The following AFF1 variants were observed in gnomAD, a reference collection of about 807,000 sequenced individuals.
AFF1 encodes ALF transcription elongation factor 1.
In AFF1, 48 loss-of-function variants were observed where a neutral mutation model predicts 121.7. That is an observed-to-expected ratio of 0.39 (90% CI 0.31 to 0.50). AFF1 has a LOEUF of 0.50. Ranked by LOEUF, AFF1 falls within the 20% of genes least tolerant of loss-of-function variation. AFF1 has a pLI of 0.76. For synonymous variants in AFF1, 613 were observed against 563.0 expected (o/e 1.09, Z -1.26); for missense variants, 1,523 against 1,511.7 (o/e 1.01, Z -0.12).
At chr4:87,029,253 A>G (rs1728833168) in intron 2 of AFF1, among the ~76,000 whole-genome samples, 1 of 152,198 alleles carries the variant, frequency 6.6e-6, no homozygotes, top group Non-Finnish European at 1.5e-5. Flanking sequence ...ATAAGGGGAA[A>G]CAAGGTCTCC....
chr4:87,111,119 T>C (rs1470174967), intron 11 of AFF1, among the ~76,000 whole-genome samples: 2 of 84,954 alleles, frequency 2.4e-5, no homozygotes, highest in African/African-American at 4.0e-5. Context: ...GCCATTCTCC[T>C]GCCTCAGCCT....
At chr4:86,964,072 C>T (rs1429361780) in intron 2 of AFF1, among the ~76,000 whole-genome samples, 1 of 151,084 alleles carries the variant, frequency 6.6e-6, no homozygotes, top group East Asian at 1.9e-4. Flanking sequence ...CCTGCCTCGG[C>T]CTCCCAAAGT....
chr4:87,090,882 GCAT>G (rs1460156785), intron 6 of AFF1, among the ~76,000 whole-genome samples: 1 of 151,824 alleles, frequency 6.6e-6, no homozygotes, highest in Non-Finnish European at 1.5e-5. Context: ...AGGTGTGGTG[GCAT>G]GCACCTGTAG....
chr4:86,989,475 AG>A (rs1313392042), intron 2 of AFF1, among the ~76,000 whole-genome samples: 1 of 152,224 alleles, frequency 6.6e-6, no homozygotes, highest in African/African-American at 2.4e-5. Flanking sequence ...AACCACAATG[AG>A]ATACCATCTC....
intron 2 of AFF1, chr4:87,036,794 T>C (rs769713128): frequency 3.9e-6 from 2 of 515,424 alleles, no homozygotes; most frequent in Non-Finnish European, 7.7e-6. Flanking sequence ...TTCTCTAATA[T>C]GGCAGCAAGT....
intron 2 of AFF1, among the ~76,000 whole-genome samples, chr4:86,955,579 C>T (rs1721677669): frequency 6.6e-6 from 1 of 152,074 alleles, no homozygotes; most frequent in Admixed American, 6.6e-5. Flanking sequence ...TGAAATTGGG[C>T]CCAGGTAACT....
chr4:87,122,443 G>A (rs1033258990), intron 12 of AFF1, among the ~76,000 whole-genome samples: 4 of 152,290 alleles, frequency 2.6e-5, no homozygotes, highest in East Asian at 1.9e-4. Context: ...GAGCCCTGTC[G>A]CAATGCCCCA....
In AFF1 at chr4:87,095,000, T is replaced by C. The variant is rs750603334; in HGVS notation, c.1283+31T>C. The stretch of plus-strand genomic sequence containing the variant: ...TGAAATGCTTTTTGTGTATTAAAAT[T>C]TTGTAGTATGAAATTGTAATGTCTC... On this transcript the variant is annotated intron_variant, in intron 8 of 20. Coordinates refer to ENST00000395146, the MANE Select transcript of AFF1 (RefSeq NM_001166693.3). 4.4e-6 allele frequency: 7 copies of C among 1,593,646 alleles called. No homozygotes were observed. The South Asian group carries it at 7.7e-5, about 18-fold the overall frequency.
Position 87,025,653 on chromosome 4 carries a change from AG to A in AFF1, c.39-20507del, listed in dbSNP as rs1366308785. Among the ~76,000 whole-genome samples, 9 of 152,190 alleles carry A rather than the reference AG, an allele frequency of 5.9e-5. No homozygotes were observed. The South Asian group carries it at 1.7e-3, about 28-fold the overall frequency. ...GACAGATATGGCTGTCACGCCTGGG[AG>A]GGGGGTGTGCTACCATCATCTCAGA... On this transcript the variant is annotated intron_variant, in intron 2 of 20. Coordinates refer to ENST00000395146, the MANE Select transcript of AFF1 (RefSeq NM_001166693.3).
Position 87,114,696 on chromosome 4 carries a change from G to A in AFF1, c.1863G>A (p.Arg621=), listed in dbSNP as rs1726903230. 3.7e-6 allele frequency: 6 copies of A among 1,613,810 alleles called. No homozygotes were observed. Among genetic ancestry groups the A allele is most frequent in the Non-Finnish European group, 5.1e-6 (6 of 1,179,978 alleles). The change falls in exon 12 of 21, where the codon CGG becomes CGA. Residue 621 remains arginine (R), a synonymous_variant. Transcript: ENST00000395146. ...AAAAACCTGTCAAGGCCTCTGCCCG[G>A]GCAGGTTCACGGACCAGCCTGCAGG... ...QPKKPVKASA[R]AGSRTSLQGE...
intron 2 of AFF1, among the ~76,000 whole-genome samples, chr4:87,009,575 T>C (rs1726520155): frequency 6.6e-6 from 1 of 152,228 alleles, no homozygotes; most frequent in Admixed American, 6.5e-5. Context: ...TCTGTTGTTT[T>C]CTTAGTCTGT....
At chr4:87,006,065 C>T (rs534257022) in intron 2 of AFF1, among the ~76,000 whole-genome samples, 1 of 152,338 alleles carries the variant, frequency 6.6e-6, no homozygotes, top group East Asian at 1.9e-4. Flanking sequence ...TTGGGCCTCC[C>T]TCCCAGCATT....
In AFF1 at chr4:87,047,208, C is replaced by G; in HGVS notation, c.673C>G (p.Gln225Glu). 2 of 1,614,158 alleles carry G rather than the reference C, an allele frequency of 1.2e-6. No individual in the cohort carries two copies. The highest frequency in any genetic ancestry group is 3.3e-5 in the Admixed American group (2 of 60,022). The change falls in exon 4 of 21, where the codon CAG becomes GAG. Residue 225 changes from glutamine to glutamate, a missense_variant. Physicochemically the swap from Gln to Glu is conservative, Grantham distance 29. This residue lies in a region of AFF1 where 369 missense variants were observed against 367.2 expected (regional missense o/e 1.00). Transcript: ENST00000395146. ...VPPLSPIHSN[Q>E]QTLPRTQGSS... ...CCCTTTGTCACCTATACATTCCAAC[C>G]AGCAAACTCTTCCCCGGACGCAAGG...
At chr4:87,071,854 G>A (rs1436273417) in intron 4 of AFF1, among the ~76,000 whole-genome samples, 4 of 152,152 alleles carry the variant, frequency 2.6e-5, no homozygotes, top group African/African-American at 9.7e-5. Flanking sequence ...GAAAGATAGT[G>A]AATGCAAGAA....
chr4:87,133,930 C>T (rs1486393489), intron 19 of AFF1, among the ~76,000 whole-genome samples: 3 of 152,150 alleles, frequency 2.0e-5, no homozygotes, highest in African/African-American at 7.2e-5. Flanking sequence ...TTATCAGGAG[C>T]CTACTTCTAG....
At chr4:86,995,375 G>A (rs997120084) in intron 2 of AFF1, among the ~76,000 whole-genome samples, 30 of 143,850 alleles carry the variant, frequency 2.1e-4, no homozygotes, top group African/African-American at 6.6e-4. Context: ...GAAGCTGGAC[G>A]GTACTGCTGC....
chr4:87,069,616 TCCC>T (rs940822481), intron 4 of AFF1, among the ~76,000 whole-genome samples: 2 of 149,830 alleles, frequency 1.3e-5, no homozygotes, highest in African/African-American at 5.0e-5. Context: ...CCCTTCCCTT[TCCC>T]CCCACTTCCT....
chr4:87,079,730 A>G (rs560951311), intron 4 of AFF1, among the ~76,000 whole-genome samples: 1 of 152,316 alleles, frequency 6.6e-6, no homozygotes, highest in Middle Eastern at 3.4e-3. Context: ...TTTTAAAATT[A>G]TTTTATTTGT....
chr4:87,104,274 C>T (rs1327175134), intron 8 of AFF1, among the ~76,000 whole-genome samples: 1 of 152,110 alleles, frequency 6.6e-6, no homozygotes, highest in Non-Finnish European at 1.5e-5. Context: ...GCATGGTGGC[C>T]TGTGCCTGTA....
Sources: allele counts gnomAD v4.1 joint callset (sites outside exome capture counted in the v4.1 genomes callset), GRCh38; gene constraint gnomAD v4.1.1; regional missense constraint gnomAD v4.1.1; transcripts MANE v1.5; gene names NCBI Gene and HGNC (gene_info 2026-07-23, HGNC 2026-07-21).